The following ALOX12 variants were observed in gnomAD, a reference collection of about 807,000 sequenced individuals.
The protein encoded by ALOX12 is arachidonate 12-lipoxygenase, 12S type.
ALOX12 carries 62 observed loss-of-function variants against 85.5 expected under a neutral mutation model. The observed-to-expected ratio is 0.73, with a 90% CI of 0.59 to 0.90. ALOX12 has a LOEUF of 0.90. Among genes scored for constraint, ALOX12 ranks in the 40% least tolerant of loss-of-function variants. The probability of loss-of-function intolerance (pLI) is 0.00; values close to 1 mark genes in which losing one functional copy is unlikely to be tolerated. For missense variants in ALOX12, 751 were observed against 856.5 expected (o/e 0.88, Z 1.54); for synonymous variants, 299 against 332.7 (o/e 0.90, Z 1.10).
In ALOX12 at chr17:7,000,426, C is replaced by T. The variant is rs778734947; in HGVS notation, c.898C>T (p.Leu300Phe). The T allele has an allele frequency of 2.5e-6, 4 of 1,614,154 alleles. No individual in the cohort carries two copies. Among genetic ancestry groups the T allele is most frequent in the East Asian group, 2.2e-5 (1 of 44,884 alleles). Residue 300 changes from leucine (L) to phenylalanine (F), a missense_variant, in exon 7 of 14, where the codon CTC becomes TTC. By Grantham distance (22) the Leu-to-Phe change is conservative. Transcript: ENST00000251535. This position sits in a 1 kb window ranked among gnomAD's most constrained non-coding sequence, Gnocchi z 4.6. Reference protein sequence around the residue: ...RGEKQYLAAPLVMLKMEPNGK... With the variant: ...RGEKQYLAAPFVMLKMEPNGK... ...AGAGAAGCAATACCTGGCTGCCCCCCTCGTTATGCTGAAGATGGAGCCCAA... is the reference window on the plus strand; with the variant it reads ...AGAGAAGCAATACCTGGCTGCCCCCTTCGTTATGCTGAAGATGGAGCCCAA...
At chr17:7,009,722 T>C (rs1486310843) in intron 11 of ALOX12, 25 bp from the exon 12 acceptor site, 1 of 1,592,548 alleles carries the variant, frequency 6.3e-7, no homozygotes, top group Non-Finnish European at 8.6e-7. Context: ...CTGTAGCTTC[T>C]AACTGCTATT....
rs553679162 is a variant in ALOX12, at chr17:7,005,958, G to A, written c.1349G>A (p.Arg450Gln). ...SLCPPDDLAD[R>Q]GLLGLPGALY... ...TGTCCTCCTGACGACCTGGCTGACC[G>A]GGGCCTGCTGGGACTCCCAGGTGCT... The change falls in exon 10 of 14, where the codon CGG (arginine) becomes CAG (glutamine). Residue 450 changes from arginine (R) to glutamine (Q), a missense_variant. By Grantham distance (43) the Arg-to-Gln change is conservative. Transcript: ENST00000251535. 2.3e-5 allele frequency: 37 copies of A among 1,612,538 alleles called. No individual in the cohort carries two copies. Among genetic ancestry groups the A allele is most frequent in the African/African-American group, 1.5e-4 (11 of 74,668 alleles).
At position 7,005,311 on chromosome 17, in the gene ALOX12, C is replaced by G; in HGVS notation, c.1216C>G (p.Gln406Glu). ...TMEINTRARTQLISDGGIFDK... is the reference protein window; with the variant it reads ...TMEINTRARTELISDGGIFDK... ...GGAAATCAACACCCGGGCCCGGACC[C>G]AACTCATCTCAGATGGAGGAATTTT... The change falls in exon 9 of 14, where the codon CAA becomes GAA. Residue 406 changes from glutamine (Q) to glutamate (E), a missense_variant. Transcript: ENST00000251535. 6.2e-7 allele frequency: 1 copy of G among 1,613,804 alleles called. No homozygotes were observed. The highest frequency in any genetic ancestry group is 1.7e-4 in the Middle Eastern group (1 of 6,060).
At position 7,010,615 on chromosome 17, in the gene ALOX12, C is replaced by A. The variant is rs1909345889; in HGVS notation, c.*192C>A. The A allele has an allele frequency of 1.5e-6, 1 of 648,134 alleles. No homozygotes were observed. Among genetic ancestry groups the A allele is most frequent in the African/African-American group, 1.8e-5 (1 of 54,940 alleles). The allele number at this position is 648,134 out of a possible 1,614,324, so 40.1% of individuals were successfully genotyped here. On this transcript the variant is annotated 3_prime_UTR_variant, in exon 14 of 14. Transcript: ENST00000251535. The stretch of plus-strand genomic sequence containing the variant: ...TCTGCAAAGACTAGATCCTTTTTTA[C>A]GCTTTGCAGACCGCATAGTCACTGT...
At chr17:7,003,939 T>C (rs1908843062) in intron 8 of ALOX12, among the ~76,000 whole-genome samples, 1 of 152,036 alleles carries the variant, frequency 6.6e-6, no homozygotes, top group Non-Finnish European at 1.5e-5. Flanking sequence ...GCACCAAAAC[T>C]GCTTGAAACC....
intron 3 of ALOX12, 51 bp downstream of exon 3, chr17:6,998,641 C>A: frequency 6.3e-7 from 1 of 1,598,290 alleles, no homozygotes; most frequent in Non-Finnish European, 8.6e-7. Context: ...CCACCCCTTC[C>A]CTGCCCCTGC....
At chr17:7,002,267 G>A (rs1262289375) in intron 8 of ALOX12, 1 of 339,008 alleles carries the variant, frequency 2.9e-6, no homozygotes, top group Non-Finnish European at 5.7e-6. Context: ...AAAAGGCAAG[G>A]AAGAACAGCC....
intron 8 of ALOX12, chr17:7,002,691 G>C (rs1192988430): frequency 6.4e-6 from 2 of 311,188 alleles, no homozygotes; most frequent in Admixed American, 9.3e-5. Flanking sequence ...ATATTGCTGG[G>C]AGAAGGCAAA....
chr17:6,999,882 C>T (rs549505935), intron 6 of ALOX12, among the ~76,000 whole-genome samples: 1 of 152,102 alleles, frequency 6.6e-6, no homozygotes, highest in Admixed American at 6.5e-5. Flanking sequence ...TGTGCGTATG[C>T]ATGTGTGTGC....
chr17:7,004,853 C>T (rs1482033381), intron 8 of ALOX12, among the ~76,000 whole-genome samples: 1 of 152,144 alleles, frequency 6.6e-6, no homozygotes, highest in Non-Finnish European at 1.5e-5. Context: ...GGCACCTATA[C>T]TCAAGGTAGA....
chr17:6,997,469 T>C (rs1439305946), intron 2 of ALOX12, among the ~76,000 whole-genome samples: 3 of 151,666 alleles, frequency 2.0e-5, no homozygotes, highest in East Asian at 1.9e-4. Context: ...GCTGGTTTGG[T>C]TGGAATAACA....
Position 7,010,606 on chromosome 17 carries a change from C to A in ALOX12, c.*183C>A. ...TAAACTTTCTCTGCAAAGACTAGAT[C>A]CTTTTTTACGCTTTGCAGACCGCAT... On this transcript the variant is annotated 3_prime_UTR_variant, in exon 14 of 14. Coordinates refer to ENST00000251535, the MANE Select transcript of ALOX12 (RefSeq NM_000697.3). The A allele has an allele frequency of 2.8e-6, 2 of 704,600 alleles. No homozygotes were observed. Among genetic ancestry groups the A allele is most frequent in the African/African-American group, 1.8e-5 (1 of 56,016 alleles). 43.6% of individuals were successfully genotyped at this position (704,600 alleles called of 1,614,324 possible). A position where few individuals can be genotyped will look rare whatever the true frequency, so the allele number is the denominator to read the frequency against.
chr17:6,997,173 A>G (rs1908488951), intron 2 of ALOX12, 146 bp downstream of exon 2: 1 of 1,409,036 alleles, frequency 7.1e-7, no homozygotes, highest in African/African-American at 1.4e-5. Flanking sequence ...GGTGCTGGAC[A>G]GAAAACGGGA....
chr17:7,009,483 T>A lies in ALOX12; in HGVS notation c.1541-264T>A, dbSNP rs34008808. Reference sequence around the variant, plus strand: ...TATTGAGCATTTATTACAGACCAGGTGATTTTGATACATCATCTCATTTAT... The same window carrying A: ...TATTGAGCATTTATTACAGACCAGGAGATTTTGATACATCATCTCATTTAT... On this transcript the variant is annotated intron_variant, in intron 11 of 13. Transcript: ENST00000251535. 0.079 allele frequency: 32,942 copies of A among 417,670 alleles called. 2,209 individuals are homozygous for A. The highest frequency in any genetic ancestry group is 0.27 in the Admixed American group (7,203 of 26,352). 25.9% of individuals were successfully genotyped at this position (417,670 alleles called of 1,614,324 possible). A position where few individuals can be genotyped will look rare whatever the true frequency, so the allele number is the denominator to read the frequency against.
intron 11 of ALOX12, among the ~76,000 whole-genome samples, chr17:7,007,758 G>C (rs1450298209): frequency 6.6e-6 from 1 of 152,156 alleles, no homozygotes; most frequent in Non-Finnish European, 1.5e-5. Flanking sequence ...GCACGCACCT[G>C]TAATCCCAGC....
chr17:6,999,582 C>A, intron 6 of ALOX12, 116 bp downstream of exon 6: 2 of 1,050,866 alleles, frequency 1.9e-6, no homozygotes, highest in Non-Finnish European at 2.7e-6. Flanking sequence ...CCCCTTGGTG[C>A]AGTCCTGTGC....
chr17:7,005,108 G>T, intron 8 of ALOX12, 149 bp from the exon 9 acceptor site: 4 of 756,784 alleles, frequency 5.3e-6, no homozygotes, highest in Non-Finnish European at 2.3e-6. Flanking sequence ...AAGTTGGAGA[G>T]CACAAGAGTG....
chr17:6,999,906 A>C (rs1908626443), intron 6 of ALOX12, among the ~76,000 whole-genome samples: 1 of 152,194 alleles, frequency 6.6e-6, no homozygotes, highest in Non-Finnish European at 1.5e-5. Context: ...ATGCGGTGGC[A>C]GGGGTAGTAG....
At chr17:7,006,438 T>C in intron 10 of ALOX12, 48 bp from the exon 11 acceptor site, 5 of 1,610,932 alleles carry the variant, frequency 3.1e-6, no homozygotes, top group Non-Finnish European at 3.4e-6. Context: ...GGAATAGAGG[T>C]CAGAGGCGGG....
Sources: allele counts gnomAD v4.1 joint callset (sites outside exome capture counted in the v4.1 genomes callset), GRCh38; gene constraint gnomAD v4.1.1; non-coding constraint Gnocchi (gnomAD v3.1); transcripts MANE v1.5; gene names NCBI Gene and HGNC (gene_info 2026-07-23, HGNC 2026-07-21).